PCDHGB6: variants seen among roughly 807,000 people sequenced by gnomAD.
PCDHGB6 encodes protocadherin gamma subfamily B, 6.
A neutral mutation model predicts 59.1 loss-of-function variants in PCDHGB6; 51 were observed. The observed-to-expected ratio is 0.86, with a 90% confidence interval of 0.69 to 1.09. PCDHGB6 has a LOEUF of 1.09. Among genes scored for constraint, PCDHGB6 ranks in the 50% least tolerant of loss-of-function variants. The probability of loss-of-function intolerance (pLI) is 0.00; values close to 1 mark genes in which losing one functional copy is unlikely to be tolerated. For synonymous variants in PCDHGB6, 466 were observed against 495.1 expected (o/e 0.94, Z 0.78); for missense variants, 1,148 against 1,205.1 (o/e 0.95, Z 0.70).
chr5:141,489,635 G>T lies in PCDHGB6; in HGVS notation c.2419-5172G>T, dbSNP rs1380466520. On this transcript the variant is annotated intron_variant, in intron 1 of 3. Coordinates refer to ENST00000520790, the MANE Select transcript of PCDHGB6 (RefSeq NM_018926.3). This position sits in a 1 kb window ranked among gnomAD's most constrained non-coding sequence, Gnocchi z 4.5. ...CTGGATCTCAATGACAACTCTCCTA[G>T]CTTTGCCACCCCTGAGCGAGAGATG... 1.2e-6 allele frequency: 2 copies of T among 1,614,024 alleles called. No homozygotes were observed. The highest frequency in any genetic ancestry group is 2.7e-5 in the African/African-American group (2 of 74,908).
At chr5:141,438,282 T>C (rs915347472) in intron 1 of PCDHGB6, among the ~76,000 whole-genome samples, 1 of 151,630 alleles carries the variant, frequency 6.6e-6, no homozygotes, top group African/African-American at 2.4e-5. Context: ...CAAAATAATT[T>C]AATCTGTATG....
rs987773604 is a variant in PCDHGB6 at position 141,409,588 on chromosome 5, C to G, written c.1386C>G (p.Ala462=). 5.6e-6 allele frequency: 9 copies of G among 1,613,760 alleles called. 1 individual carries two copies. The highest frequency in any genetic ancestry group is 7.6e-6 in the Non-Finnish European group (9 of 1,179,892). The change falls in exon 1 of 4, where the codon GCC becomes GCG. Residue 462 remains alanine (A), a synonymous_variant. Transcript: ENST00000520790. ...AGACGTCCTACGTGGTCCACGTGGC[C>G]GAGAACAACCCGCCAGGAGCCTCCA... The part of the protein sequence containing the change: ...FDQTSYVVHV[A]ENNPPGASIA...
At chr5:141,430,557 G>C (rs1161595629) in intron 1 of PCDHGB6, 5 of 412,906 alleles carry the variant, frequency 1.2e-5, no homozygotes, top group Non-Finnish European at 1.7e-5. Context: ...TTCACCAATC[G>C]GGGAGAGAAA....
At chr5:141,508,927 A>C (rs1562237319) in intron 3 of PCDHGB6, among the ~76,000 whole-genome samples, 1 of 151,542 alleles carries the variant, frequency 6.6e-6, no homozygotes. Context: ...TTCCTTTTGG[A>C]GTTAATTAGG....
Position 141,487,302 on chromosome 5 carries a change from C to T in PCDHGB6, c.2419-7505C>T, listed in dbSNP as rs763268817. 3.7e-6 allele frequency: 6 copies of T among 1,614,154 alleles called. No homozygotes were observed. The highest frequency in any genetic ancestry group is 3.4e-6 in the Non-Finnish European group (4 of 1,180,002). On this transcript the variant is annotated intron_variant, in intron 1 of 3. Transcript: ENST00000520790. This position sits in a 1 kb window ranked among gnomAD's most constrained non-coding sequence, Gnocchi z 5.0. ...TTTGTCTCCTTTGGCTCATTCGTGGCACTACTCTCTAAGTGTCTTCGTGGG... is the reference window on the plus strand; with the variant it reads ...TTTGTCTCCTTTGGCTCATTCGTGGTACTACTCTCTAAGTGTCTTCGTGGG...
At chr5:141,444,002 C>T (rs2098413409) in intron 1 of PCDHGB6, among the ~76,000 whole-genome samples, 1 of 151,918 alleles carries the variant, frequency 6.6e-6, no homozygotes, top group African/African-American at 2.4e-5. Flanking sequence ...TAAATGCTAC[C>T]TGGGTATTGG....
chr5:141,423,323 C>A (rs200492485), intron 1 of PCDHGB6: 91 of 1,614,146 alleles, frequency 5.6e-5, no homozygotes, highest in Non-Finnish European at 4.2e-6. Flanking sequence ...GTGGCGGTGG[C>A]CGCAGTCTCC....
chr5:141,415,977 C>A (rs1479258110), intron 1 of PCDHGB6: 2 of 354,488 alleles, frequency 5.6e-6, no homozygotes, highest in Non-Finnish European at 9.4e-6. Context: ...CCTTAAGCAA[C>A]CCTCTTGTTC....
At chr5:141,418,868 G>A in intron 1 of PCDHGB6, 2 of 1,613,998 alleles carry the variant, frequency 1.2e-6, no homozygotes, top group Non-Finnish European at 1.7e-6. Flanking sequence ...AATTGTAGAA[G>A]TTGTAGACGA....
chr5:141,408,527 G>T lies in PCDHGB6; in HGVS notation c.325G>T (p.Val109Leu), dbSNP rs1239443007. ...AAGATGTGAGTTGCAATTGGAAGCT[G>T]TGGTGGAAAATCCTTTAAATATTTT... ...RRRCELQLEA[V>L]VENPLNIFHV... The change falls in exon 1 of 4, where the codon GTG becomes TTG. Residue 109 changes from valine (V) to leucine (L), a missense_variant. Coordinates refer to ENST00000520790, the MANE Select transcript of PCDHGB6 (RefSeq NM_018926.3). 2.5e-6 allele frequency: 4 copies of T among 1,613,954 alleles called. No homozygotes were observed. The African/African-American group carries it at 5.3e-5, about 22-fold the overall frequency.
chr5:141,418,299 G>C lies in PCDHGB6; in HGVS notation c.2418+7679G>C, dbSNP rs767901461. 5 of 1,614,046 alleles carry C rather than the reference G, an allele frequency of 3.1e-6. No individual in the cohort carries two copies. In the Admixed American group the frequency reaches 8.3e-5, roughly 27 times the overall value. On this transcript the variant is annotated intron_variant, in intron 1 of 3. Coordinates refer to ENST00000520790, the MANE Select transcript of PCDHGB6 (RefSeq NM_018926.3). ...AACTTAGAAATCAGTGAATCCGTCA[G>C]CCTGGGGATGGGAACAATTCTTGAG...
chr5:141,460,921 T>C (rs984603258), intron 1 of PCDHGB6, among the ~76,000 whole-genome samples: 4 of 151,276 alleles, frequency 2.6e-5, no homozygotes, highest in African/African-American at 9.7e-5. Flanking sequence ...TGTATATATA[T>C]ATATGTGTGT....
chr5:141,425,742 A>T (rs1315830227), intron 1 of PCDHGB6, among the ~76,000 whole-genome samples: 1 of 152,246 alleles, frequency 6.6e-6, no homozygotes, highest in Non-Finnish European at 1.5e-5. Flanking sequence ...GTTTTCCCAC[A>T]AGGTTTTTGT....
intron 1 of PCDHGB6, among the ~76,000 whole-genome samples, chr5:141,456,843 A>G (rs2098891742): frequency 6.6e-6 from 1 of 152,030 alleles, no homozygotes. Context: ...GGCGCCTGTA[A>G]TCCCAGCTAA....
At chr5:141,496,948 G>A (rs2099772844) in intron 2 of PCDHGB6, among the ~76,000 whole-genome samples, 1 of 151,826 alleles carries the variant, frequency 6.6e-6, no homozygotes, top group Admixed American at 6.6e-5. Context: ...CACTTTGGGA[G>A]GCCAAGGTGG....
rs1233148754 is a variant in PCDHGB6, at chr5:141,428,157, T to A, written c.2418+17537T>A. ...CCTGGGGCTGCACACGGGAACCTGC[T>A]GGTTGCTGTGCGTGACGGAGGACAG... On this transcript the variant is annotated intron_variant, in intron 1 of 3. Coordinates refer to ENST00000520790, the MANE Select transcript of PCDHGB6 (RefSeq NM_018926.3). The A allele has an allele frequency of 4.4e-6, 7 of 1,575,024 alleles. No individual in the cohort carries two copies. The East Asian group carries it at 1.6e-4, about 35-fold the overall frequency.
intron 1 of PCDHGB6, chr5:141,417,801 G>A (rs368563336): frequency 1.3e-6 from 2 of 1,490,494 alleles, no homozygotes; most frequent in South Asian, 1.4e-5. Context: ...CTTTTAGCGC[G>A]GTAGAGTGCA....
At chr5:141,441,173 C>G (rs2098230611) in intron 1 of PCDHGB6, 1 of 152,180 alleles carries the variant, frequency 6.6e-6, no homozygotes, top group South Asian at 2.1e-4. Context: ...ATTTTTACTT[C>G]TAATTCCACA....
At position 141,431,421 on chromosome 5, in the gene PCDHGB6, T is replaced by A. The variant is rs2097372202; in HGVS notation, c.2418+20801T>A. On this transcript the variant is annotated intron_variant, in intron 1 of 3. Transcript: ENST00000520790. The surrounding 1 kb of genome is among the most constrained non-coding windows in gnomAD (Gnocchi z 4.8). The stretch of plus-strand genomic sequence containing the variant: ...ACGGCCTCCGACGGGGGCGACCCGG[T>A]GCGCACAGGCACCGCGCGCATCCGC... 1 of 1,613,580 alleles carries A rather than the reference T, an allele frequency of 6.2e-7. No individual in the cohort carries two copies. The highest frequency in any genetic ancestry group is 1.1e-5 in the South Asian group (1 of 91,082).
Sources: gnomAD v4.1 joint callset for allele counts (sites outside exome capture counted in the v4.1 genomes callset) on GRCh38, gnomAD v4.1.1 for gene constraint, Gnocchi (gnomAD v3.1) non-coding constraint, MANE v1.5 for transcripts, NCBI Gene and HGNC (gene_info 2026-07-23, HGNC 2026-07-21) for gene names.